Variants in TRPM3 observed in about 807,000 individuals in gnomAD.
The protein encoded by TRPM3 is long transient receptor potential channel 3.
In TRPM3, 77 loss-of-function variants were observed where a neutral mutation model predicts 181.2. That is an observed-to-expected ratio of 0.42 (90% CI 0.35 to 0.51). TRPM3 has a LOEUF of 0.51. Ranked by LOEUF, TRPM3 falls within the 20% of genes least tolerant of loss-of-function variation. The pLI, the probability that TRPM3 is intolerant of heterozygous loss-of-function variation, is 0.01. For synonymous variants in TRPM3, 745 were observed against 796.4 expected, an observed-to-expected ratio of 0.94 and a Z score of 1.09; for missense variants, 1,759 against 2,196.7, an observed-to-expected ratio of 0.80 and a Z score of 3.98.
At chr9:71,059,011 A>ATTTTTGTTTTTTTTT (rs2060989482) in intron 1 of TRPM3, among the ~76,000 whole-genome samples, 1 of 52,638 alleles carries the variant, frequency 1.9e-5, no homozygotes, top group Non-Finnish European at 3.2e-5. Flanking sequence ...TTGTTTGTTC[A>ATTTTTGTTTTTTTTT]TTTTTTTTTT....
At chr9:70,900,233 C>T (rs2096364324) in intron 1 of TRPM3, among the ~76,000 whole-genome samples, 1 of 151,968 alleles carries the variant, frequency 6.6e-6, no homozygotes, top group South Asian at 2.1e-4. Flanking sequence ...CTCAGCTACT[C>T]GGAAGGCTGA....
chr9:71,075,180 A>G (rs751893330), intron 1 of TRPM3, among the ~76,000 whole-genome samples: 10 of 152,202 alleles, frequency 6.6e-5, no homozygotes, highest in Admixed American at 2.0e-4. Flanking sequence ...AAGTAATTCA[A>G]TTTTGAAGAG....
rs150378459 is a variant in TRPM3, at chr9:70,536,636, C to G, written c.4477G>C (p.Glu1493Gln). The G allele has an allele frequency of 5.1e-4, 822 of 1,614,022 alleles. 3 individuals are homozygous for G. Among genetic ancestry groups the G allele is most frequent in the South Asian group, 2.5e-3 (230 of 91,074 alleles). Residue 1493 changes from glutamate to glutamine, a missense_variant, in exon 26 of 26, where the codon GAA becomes CAA. Glu to Gln is a conservative substitution (Grantham distance 29). Transcript: ENST00000677713. ...SFSSDYTHLP[E>Q]CQNPWDSEPP... Reference sequence around the variant, plus strand: ...TCTGAGTCCCAGGGGTTTTGGCATTCTGGGAGGTGGGTGTAGTCTGAAGAA... The same window carrying G: ...TCTGAGTCCCAGGGGTTTTGGCATTGTGGGAGGTGGGTGTAGTCTGAAGAA...
chr9:71,446,943 C>T (rs2094211600), upstream of TRPM3: 1 of 1,159,430 alleles, frequency 8.6e-7, no homozygotes, highest in Non-Finnish European at 1.2e-6. Flanking sequence ...GTTGGCGCTG[C>T]CTTTGCCTCC....
chr9:70,966,776 C>A (rs968429226), intron 1 of TRPM3, among the ~76,000 whole-genome samples: 3 of 151,934 alleles, frequency 2.0e-5, no homozygotes, highest in Non-Finnish European at 4.4e-5. Flanking sequence ...GGAAAAATAT[C>A]TTATGGGTAC....
chr9:71,168,635 T>C (rs1299310700), intron 1 of TRPM3, among the ~76,000 whole-genome samples: 3 of 145,160 alleles, frequency 2.1e-5, no homozygotes, highest in Admixed American at 6.9e-5. Flanking sequence ...TTTTTTATTA[T>C]TTTTTATTTT....
intron 1 of TRPM3, among the ~76,000 whole-genome samples, chr9:70,986,635 G>A (rs1018674201): frequency 2.6e-5 from 4 of 152,148 alleles, no homozygotes; most frequent in Non-Finnish European, 4.4e-5. Flanking sequence ...AAATTAGTAA[G>A]TGAATTAGCC....
chr9:71,157,075 C>T (rs537199061), intron 1 of TRPM3, among the ~76,000 whole-genome samples: 32 of 152,242 alleles, frequency 2.1e-4, no homozygotes, highest in Middle Eastern at 3.4e-3. Flanking sequence ...GGATGAGTAA[C>T]GGCTTCCCTG....
intron 1 of TRPM3, among the ~76,000 whole-genome samples, chr9:71,016,234 TGGTG>T (rs2097783673): frequency 1.9e-5 from 1 of 52,336 alleles, no homozygotes; most frequent in Admixed American, 1.9e-4. Context: ...TATACATGTG[TGGTG>T]TGTGTGTGTG....
rs557848228 is a variant in TRPM3, at chr9:70,862,412, T to C, written c.462+496A>G. On this transcript the variant is annotated intron_variant, in intron 3 of 25. Transcript: ENST00000677713. Reference sequence around the variant, plus strand: ...AGATGCTTGGAGAAAAAGCACTTAATTTCGATGGCAATATTTCTCTTAGAA... The same window carrying C: ...AGATGCTTGGAGAAAAAGCACTTAACTTCGATGGCAATATTTCTCTTAGAA... Among the ~76,000 whole-genome samples, 13 of 152,276 alleles carry C rather than the reference T, an allele frequency of 8.5e-5. No individual in the cohort carries two copies. The South Asian group carries it at 2.1e-3, about 24-fold the overall frequency.
chr9:70,700,416 G>C (rs1181397358), intron 8 of TRPM3, among the ~76,000 whole-genome samples: 1 of 152,158 alleles, frequency 6.6e-6, no homozygotes, highest in Non-Finnish European at 1.5e-5. Flanking sequence ...GATGGTGGAG[G>C]CCGGGATAGG....
At chr9:70,654,686 G>GTTT (rs112874508) in intron 9 of TRPM3, among the ~76,000 whole-genome samples, 5,883 of 142,198 alleles carry the variant, frequency 0.041, 190 homozygotes, top group African/African-American at 0.079. Flanking sequence ...GCACTCTGTA[G>GTTT]TTTTTTTTTT....
intron 6 of TRPM3, among the ~76,000 whole-genome samples, chr9:70,821,839 C>T (rs1343985034): frequency 6.6e-6 from 1 of 152,180 alleles, no homozygotes; most frequent in Non-Finnish European, 1.5e-5. Context: ...CAGGTAAAAT[C>T]CCAGATTGAT....
chr9:71,200,741 T>A (rs1230089319), intron 1 of TRPM3, among the ~76,000 whole-genome samples: 1 of 152,190 alleles, frequency 6.6e-6, no homozygotes. Flanking sequence ...TCTTCCTCCA[T>A]CCTTTTATTT....
intron 1 of TRPM3, among the ~76,000 whole-genome samples, chr9:71,128,875 T>C (rs914025174): frequency 1.4e-4 from 21 of 152,206 alleles, no homozygotes; most frequent in African/African-American, 4.1e-4. Context: ...ACCTCACATA[T>C]ACCTTCTCAA....
At position 70,983,211 on chromosome 9, in the gene TRPM3, T is replaced by C. The variant is rs543567152; in HGVS notation, c.178-118700A>G. ...ATGTTCATGGCCCCACTGCTCTAGT[T>C]TTTTTCCTATCACCCCCATCATACT... On this transcript the variant is annotated intron_variant, in intron 1 of 25. Coordinates refer to ENST00000677713, the MANE Select transcript of TRPM3 (RefSeq NM_001366145.2). 2.5e-3 allele frequency among the ~76,000 whole-genome samples: 379 copies of C among 152,204 alleles called. 1 individual carries two copies. The highest frequency in any genetic ancestry group is 8.8e-3 in the African/African-American group (366 of 41,528).
chr9:70,767,989 T>C (rs1219625672), intron 7 of TRPM3, among the ~76,000 whole-genome samples: 1 of 152,202 alleles, frequency 6.6e-6, no homozygotes, highest in East Asian at 1.9e-4. Flanking sequence ...ATGGAAGGAA[T>C]AGACTTCACC....
At chr9:70,613,798 T>C (rs2062347074) in intron 18 of TRPM3, among the ~76,000 whole-genome samples, 1 of 152,168 alleles carries the variant, frequency 6.6e-6, no homozygotes, top group Admixed American at 6.5e-5. Context: ...AGTCTAGAGA[T>C]GCATCTCTTA....
At chr9:70,761,375 G>C in intron 8 of TRPM3, 1 of 668,956 alleles carries the variant, frequency 1.5e-6, no homozygotes, top group South Asian at 1.8e-5. Flanking sequence ...AGCTCCAAAA[G>C]GAAATGATGC....
Sources: allele counts gnomAD v4.1 joint callset (sites outside exome capture counted in the v4.1 genomes callset), GRCh38; gene constraint gnomAD v4.1.1; transcripts MANE v1.5; gene names NCBI Gene and HGNC (gene_info 2026-07-23, HGNC 2026-07-21).